ARHGEF12: variants seen among roughly 807,000 people sequenced by gnomAD.
The protein encoded by ARHGEF12 is Rho guanine nucleotide exchange factor 12, also known as KMT2A/ARHGEF12 fusion protein.
ARHGEF12 carries 66 observed loss-of-function variants against 211.2 expected under a neutral mutation model. The ratio of observed to expected loss-of-function variants is 0.31; its 90% confidence interval spans 0.26 to 0.38. The LOEUF (loss-of-function observed/expected upper bound fraction) is 0.38, where lower values mean the gene tolerates loss of function less well. ARHGEF12 is among the 10% of genes least tolerant of loss of function. The pLI is 1.00. For missense variants in ARHGEF12, 1,429 were observed against 1,869.5 expected (o/e 0.76, Z 4.34); for synonymous variants, 592 against 638.4 (o/e 0.93, Z 1.09).
At chr11:120,406,690 C>T (rs1313829058) in intron 2 of ARHGEF12, among the ~76,000 whole-genome samples, 1 of 152,178 alleles carries the variant, frequency 6.6e-6, no homozygotes, top group Non-Finnish European at 1.5e-5. Flanking sequence ...TCCCGAGTAG[C>T]TGGGACTACA....
chr11:120,367,161 G>A (rs1943446807), intron 1 of ARHGEF12, among the ~76,000 whole-genome samples: 1 of 152,102 alleles, frequency 6.6e-6, no homozygotes, highest in Admixed American at 6.5e-5. Context: ...CATAGCATGG[G>A]AAGGAAAGAG....
Position 120,458,104 on chromosome 11 carries a change from A to G in ARHGEF12, c.2250A>G (p.Glu750=). The G allele has an allele frequency of 6.2e-7, 1 of 1,608,258 alleles. No individual in the cohort carries two copies. The highest frequency in any genetic ancestry group is 1.1e-5 in the South Asian group (1 of 89,124). Residue 750 remains glutamate (E), a synonymous_variant, in exon 25 of 41, where the codon GAA becomes GAG. Coordinates refer to ENST00000397843, the MANE Select transcript of ARHGEF12 (RefSeq NM_015313.3). The part of the protein sequence containing the change: ...FRKFDSVAFG[E]SQSEDEQFEN... The stretch of plus-strand genomic sequence containing the variant: ...GGTTTGACAGTGTAGCTTTTGGAGA[A>G]AGTCAAAGTGAGGATGAACAATTTG...
At chr11:120,341,821 C>T (rs1017131451) in intron 1 of ARHGEF12, among the ~76,000 whole-genome samples, 4 of 152,212 alleles carry the variant, frequency 2.6e-5, no homozygotes, top group Non-Finnish European at 4.4e-5. Flanking sequence ...GCTCCTTTCC[C>T]TTATAATAAT....
intron 7 of ARHGEF12, among the ~76,000 whole-genome samples, chr11:120,425,352 T>G (rs603121): frequency 0.5 from 75,093 of 150,308 alleles, 19,265 homozygotes; most frequent in African/African-American, 0.62. Context: ...TTTTTTTTTT[T>G]TTTGTTTGTT....
chr11:120,368,287 C>T (rs1377315170), intron 1 of ARHGEF12, among the ~76,000 whole-genome samples: 3 of 152,146 alleles, frequency 2.0e-5, no homozygotes, highest in African/African-American at 7.2e-5. Flanking sequence ...ACTACAGGCA[C>T]ATGCTACAAT....
chr11:120,370,410 C>T (rs1193638407), intron 1 of ARHGEF12, among the ~76,000 whole-genome samples: 1 of 152,152 alleles, frequency 6.6e-6, no homozygotes, highest in Non-Finnish European at 1.5e-5. Flanking sequence ...AAGTAAATCT[C>T]CTTACCTTGT....
At position 120,421,807 on chromosome 11, in the gene ARHGEF12, A is replaced by G; in HGVS notation, c.303A>G (p.Gly101=). The G allele has an allele frequency of 6.2e-7, 1 of 1,610,456 alleles. No individual in the cohort carries two copies. The highest frequency in any genetic ancestry group is 8.5e-7 in the Non-Finnish European group (1 of 1,178,516). ...PVFVQSVKED[G]AAMRAGVQTG... The stretch of plus-strand genomic sequence containing the variant: ...AGCAATTAATTTCTCATACAGATGG[A>G]GCAGCCATGCGGGCTGGAGTACAGA... The change falls in exon 6 of 41, where the codon GGA becomes GGG. Residue 101 remains glycine (G), a synonymous_variant. Transcript: ENST00000397843.
At chr11:120,425,964 T>G (rs1234007200) in intron 7 of ARHGEF12, among the ~76,000 whole-genome samples, 2 of 152,170 alleles carry the variant, frequency 1.3e-5, no homozygotes, top group Admixed American at 1.3e-4. Context: ...ATGGACATCT[T>G]CAAAAGAAAT....
At chr11:120,363,084 A>C (rs1426993641) in intron 1 of ARHGEF12, among the ~76,000 whole-genome samples, 1 of 152,198 alleles carries the variant, frequency 6.6e-6, no homozygotes, top group Non-Finnish European at 1.5e-5. Flanking sequence ...TTGGCAACAG[A>C]GCGAGACTCC....
intron 1 of ARHGEF12, among the ~76,000 whole-genome samples, chr11:120,384,828 C>A (rs1390523468): frequency 5.3e-5 from 8 of 152,104 alleles, no homozygotes; most frequent in African/African-American, 1.9e-4. Flanking sequence ...TCTACTCCCA[C>A]CTCCTGTCCC....
intron 13 of ARHGEF12, among the ~76,000 whole-genome samples, 159 bp from the exon 14 acceptor site, chr11:120,441,548 T>C (rs529816360): frequency 6.6e-6 from 1 of 152,328 alleles, no homozygotes; most frequent in Non-Finnish European, 1.5e-5. Context: ...AGAGATTCCA[T>C]AGCTTCTGTT....
At chr11:120,366,917 G>A (rs1352135636) in intron 1 of ARHGEF12, among the ~76,000 whole-genome samples, 1 of 152,158 alleles carries the variant, frequency 6.6e-6, no homozygotes, top group Admixed American at 6.5e-5. Flanking sequence ...TTGGGAGGCT[G>A]AGGCAGGAGA....
At chr11:120,358,258 A>G (rs1274569521) in intron 1 of ARHGEF12, among the ~76,000 whole-genome samples, 2 of 152,208 alleles carry the variant, frequency 1.3e-5, no homozygotes, top group African/African-American at 4.8e-5. Flanking sequence ...AAGTTGTAAC[A>G]TATACTTAAA....
chr11:120,377,665 T>A (rs958162931), intron 1 of ARHGEF12, among the ~76,000 whole-genome samples: 25 of 151,926 alleles, frequency 1.6e-4, no homozygotes, highest in Non-Finnish European at 8.8e-5. Context: ...TTAATACTTT[T>A]CAGATGCATC....
intron 9 of ARHGEF12, 62 bp from the exon 10 acceptor site, chr11:120,429,650 A>G (rs1370867259): frequency 1.9e-6 from 3 of 1,571,568 alleles, no homozygotes; most frequent in African/African-American, 2.7e-5. Context: ...TTAAGAATGG[A>G]CTATTTCTGT....
At chr11:120,359,465 T>G (rs2135353222) in intron 1 of ARHGEF12, among the ~76,000 whole-genome samples, 1 of 152,058 alleles carries the variant, frequency 6.6e-6, no homozygotes, top group African/African-American at 2.4e-5. Flanking sequence ...TGGCCTCAAA[T>G]TCCTCGGCAC....
intron 12 of ARHGEF12, chr11:120,438,984 C>T (rs1049983240): frequency 6.6e-6 from 1 of 152,188 alleles, no homozygotes; most frequent in South Asian, 2.1e-4. Context: ...TCCCAAGTAG[C>T]TAAGACTATA....
chr11:120,342,199 C>T (rs1942557862), intron 1 of ARHGEF12, among the ~76,000 whole-genome samples: 1 of 152,098 alleles, frequency 6.6e-6, no homozygotes, highest in Admixed American at 6.5e-5. Flanking sequence ...AACTCTCCAG[C>T]TTGATGAAGT....
chr11:120,374,162 G>T (rs1591515866), intron 1 of ARHGEF12, among the ~76,000 whole-genome samples: 1 of 152,300 alleles, frequency 6.6e-6, no homozygotes, highest in South Asian at 2.1e-4. Context: ...CTAGTGGCTG[G>T]TTAACCAAGC....
Sources: gnomAD v4.1 joint callset for allele counts (sites outside exome capture counted in the v4.1 genomes callset) on GRCh38, gnomAD v4.1.1 for gene constraint, MANE v1.5 for transcripts, NCBI Gene and HGNC (gene_info 2026-07-23, HGNC 2026-07-21) for gene names.